The following CLDN14 variants were observed in gnomAD, a reference collection of about 807,000 sequenced individuals.
The protein encoded by CLDN14 is claudin-14.
Under a neutral mutation model 2.1 loss-of-function variants are expected in CLDN14, and 2 were observed. The observed-to-expected ratio is 0.96, with a 90% confidence interval of 0.39 to 3.01. The LOEUF is 3.01. Among genes scored for constraint, CLDN14 ranks in the 30% most tolerant of loss-of-function variants. CLDN14 has a pLI of 0.09. For synonymous variants in CLDN14, 136 were observed against 154.4 expected (o/e 0.88, Z 0.88); for missense variants, 298 against 328.0 (o/e 0.91, Z 0.71).
chr21:36,568,344 G>A (rs1381539788), intron 1 of CLDN14, among the ~76,000 whole-genome samples: 2 of 152,134 alleles, frequency 1.3e-5, no homozygotes, highest in Non-Finnish European at 2.9e-5. Flanking sequence ...TTGAGCCAAG[G>A]TCATGCTGAT....
At chr21:36,513,334 C>T (rs1601618591) in intron 1 of CLDN14, among the ~76,000 whole-genome samples, 1 of 152,182 alleles carries the variant, frequency 6.6e-6, no homozygotes, top group East Asian at 1.9e-4. Context: ...ATGCGGCAGC[C>T]ATTTGAGCCT....
intron 2 of CLDN14, among the ~76,000 whole-genome samples, chr21:36,509,847 GC>G (rs1339616831): frequency 6.6e-6 from 1 of 152,070 alleles, no homozygotes; most frequent in Admixed American, 6.6e-5. Flanking sequence ...GCCCACCTCA[GC>G]CTCCCAAAGT....
intron 2 of CLDN14, among the ~76,000 whole-genome samples, chr21:36,489,125 A>AT (rs1252371873): frequency 0.022 from 1,922 of 89,076 alleles, 18 homozygotes; most frequent in Middle Eastern, 0.051. Context: ...AAGAAAAAAA[A>AT]AAAAAAATAT....
At chr21:36,556,852 G>A (rs1448646673) in intron 1 of CLDN14, among the ~76,000 whole-genome samples, 1 of 152,164 alleles carries the variant, frequency 6.6e-6, no homozygotes, top group Non-Finnish European at 1.5e-5. Flanking sequence ...GTGCAGTACA[G>A]CACTGTTAAT....
At chr21:36,559,993 A>C (rs1259738974) in intron 1 of CLDN14, among the ~76,000 whole-genome samples, 1 of 152,204 alleles carries the variant, frequency 6.6e-6, no homozygotes, top group Non-Finnish European at 1.5e-5. Flanking sequence ...TACAAATATC[A>C]AGGAGGCAGG....
At chr21:36,520,367 T>G (rs1325998173) in intron 1 of CLDN14, among the ~76,000 whole-genome samples, 1 of 152,196 alleles carries the variant, frequency 6.6e-6, no homozygotes, top group Non-Finnish European at 1.5e-5. Context: ...CATCTTGAAT[T>G]GTAGCTCCCA....
chr21:36,528,151 C>T (rs1469567961), intron 1 of CLDN14, among the ~76,000 whole-genome samples: 1 of 152,160 alleles, frequency 6.6e-6, no homozygotes, highest in Non-Finnish European at 1.5e-5. Flanking sequence ...ATTCTTTTAG[C>T]TGGTCACTCT....
upstream of CLDN14, among the ~76,000 whole-genome samples, chr21:36,482,899 C>T (rs144556564): frequency 2.8e-3 from 423 of 152,338 alleles, 2 homozygotes; most frequent in African/African-American, 9.3e-3. Flanking sequence ...AACACAAAGG[C>T]AGCATTCTTT....
chr21:36,534,776 C>T (rs778583897), intron 1 of CLDN14, among the ~76,000 whole-genome samples: 24 of 152,148 alleles, frequency 1.6e-4, no homozygotes, highest in Non-Finnish European at 1.9e-4. Flanking sequence ...TTGCTCATTC[C>T]CCTGGGCAAG....
chr21:36,516,102 T>C (rs9974188), intron 1 of CLDN14, among the ~76,000 whole-genome samples: 112,285 of 151,950 alleles, frequency 0.74, 44,168 homozygotes, highest in Non-Finnish European at 0.9. Context: ...TCCCTTCTCT[T>C]TGTGCTCACC....
In CLDN14 at chr21:36,461,612, C is replaced by T. The variant is rs778927942; in HGVS notation, c.84G>A (p.Pro28=). 85 of 1,602,280 alleles carry T rather than the reference C, an allele frequency of 5.3e-5. No individual in the cohort carries two copies. The highest frequency in any genetic ancestry group is 1.2e-4 in the African/African-American group (9 of 74,634). Residue 28 remains proline, a synonymous_variant, in exon 2 of 2, where the codon CCG becomes CCA. Transcript: ENST00000399135. ...CCACGTGCGCTGTCCTCCGCCAGTGCGGCAGGATGGTGGTGATCAACGTGC... is the reference window on the plus strand; with the variant it reads ...CCACGTGCGCTGTCCTCCGCCAGTGTGGCAGGATGGTGGTGATCAACGTGC... The part of the protein sequence containing the change: ...MVGTLITTIL[P]HWRRTAHVGT...
intron 1 of CLDN14, among the ~76,000 whole-genome samples, chr21:36,534,498 G>C (rs1480868345): frequency 8.5e-5 from 13 of 152,180 alleles, no homozygotes; most frequent in Admixed American, 8.5e-4. Context: ...CATCTTCTGT[G>C]TGGCCGATGC....
rs946876981 is a variant in CLDN14 at position 36,551,325 on chromosome 21, C to G, written c.-220+25086G>C. The stretch of plus-strand genomic sequence containing the variant: ...GATCTCCGAGCAGATGCACTGTTCC[C>G]TGCGGACAGGATTTATTCCTGGAGC... On this transcript the variant is annotated intron_variant, in intron 1 of 2. Transcript: ENST00000342108. This position sits in a 1 kb window ranked among gnomAD's most constrained non-coding sequence, Gnocchi z 4.8. 6.6e-6 allele frequency among the ~76,000 whole-genome samples: 1 copy of G among 152,224 alleles called. No individual in the cohort carries two copies. Among genetic ancestry groups the G allele is most frequent in the Non-Finnish European group, 1.5e-5 (1 of 68,024 alleles).
chr21:36,516,988 C>T (rs1321042651), intron 1 of CLDN14, among the ~76,000 whole-genome samples: 2 of 152,108 alleles, frequency 1.3e-5, no homozygotes, highest in African/African-American at 4.8e-5. Flanking sequence ...TACAGGCGTG[C>T]CCCACCACGC....
chr21:36,486,873 T>C (rs771837514), intron 2 of CLDN14: 7 of 702,128 alleles, frequency 1.0e-5, no homozygotes, highest in Non-Finnish European at 1.9e-5. Flanking sequence ...GGACGGTGTG[T>C]AGCTTGGACA....
At chr21:36,481,228 C>A (rs180792898), upstream of CLDN14, among the ~76,000 whole-genome samples, 10 of 152,236 alleles carry the variant, frequency 6.6e-5, no homozygotes, top group Non-Finnish European at 1.3e-4. Context: ...CGAAATAGAC[C>A]TTTTCGTTAG....
intron 1 of CLDN14, among the ~76,000 whole-genome samples, chr21:36,574,024 G>T (rs554077876): frequency 6.6e-6 from 1 of 152,144 alleles, no homozygotes; most frequent in South Asian, 2.1e-4. Flanking sequence ...ATAAATTACA[G>T]CAAGTTTCTT....
intron 1 of CLDN14, among the ~76,000 whole-genome samples, chr21:36,573,232 C>T (rs1176390826): frequency 1.4e-5 from 2 of 146,346 alleles, no homozygotes; most frequent in Admixed American, 7.1e-5. Flanking sequence ...ACCCGGGAGG[C>T]GGAGCTTGCA....
intron 1 of CLDN14, among the ~76,000 whole-genome samples, chr21:36,522,113 A>G (rs555343931): frequency 2.7e-4 from 41 of 152,252 alleles, no homozygotes; most frequent in African/African-American, 8.4e-4. Context: ...CTGATTCCCA[A>G]ACTGAGATCA....
Sources: gnomAD v4.1 joint callset for allele counts (sites outside exome capture counted in the v4.1 genomes callset) on GRCh38, gnomAD v4.1.1 for gene constraint, Gnocchi (gnomAD v3.1) non-coding constraint, MANE v1.5 for transcripts, NCBI Gene and HGNC (gene_info 2026-07-23, HGNC 2026-07-21) for gene names.